Variants in KLRG2 observed in about 807,000 individuals in gnomAD.
The protein encoded by KLRG2 is killer cell lectin-like receptor subfamily G member 2.
A neutral mutation model predicts 35.4 loss-of-function variants in KLRG2; 39 were observed. That is an observed-to-expected ratio of 1.10 (90% CI 0.85 to 1.44). KLRG2 has a LOEUF of 1.44. Ranked by LOEUF, KLRG2 falls within the 40% of genes most tolerant of loss-of-function variation. The pLI is 0.00. For synonymous variants in KLRG2, 283 were observed against 265.8 expected (o/e 1.06, Z -0.63); for missense variants, 632 against 570.9 (o/e 1.11, Z -1.09).
Position 139,454,159 on chromosome 7 carries a change from C to A in KLRG2, c.1061G>T (p.Gly354Val), listed in dbSNP as rs191574772. ...SRHSWVGAWR[G>V]PQGWHWIDEA... ...GTCGATCCAGTGCCAGCCCTGGGGG[C>A]CTCGCCAGGCCCCCACCCAGGAGTG... The change falls in exon 4 of 5, where the codon GGC becomes GTC. Residue 354 changes from glycine (G) to valine (V), a missense_variant. Physicochemically the swap from Gly to Val is moderately radical, Grantham distance 109 (BLOSUM62 -3). Coordinates refer to ENST00000340940, the MANE Select transcript of KLRG2 (RefSeq NM_198508.4). The A allele has an allele frequency of 6.4e-4, 993 of 1,545,038 alleles. 8 individuals carry two copies. The African/African-American group carries it at 0.012, about 19-fold the overall frequency.
intron 1 of KLRG2, among the ~76,000 whole-genome samples, chr7:139,482,042 G>T (rs1218910800): frequency 6.6e-6 from 1 of 152,082 alleles, no homozygotes; most frequent in Non-Finnish European, 1.5e-5. Flanking sequence ...TCTTTTGTGG[G>T]CTCTTTCTTC....
chr7:139,434,831 C>G, the KLRG2 span, among the ~76,000 whole-genome samples: 2 of 152,168 alleles, frequency 1.3e-5, no homozygotes, highest in Admixed American at 1.3e-4. Flanking sequence ...GAATCTGCCA[C>G]TTAGAAGCTG....
chr7:139,475,316 G>C (rs185399967), intron 3 of KLRG2, among the ~76,000 whole-genome samples: 12 of 152,274 alleles, frequency 7.9e-5, no homozygotes, highest in Admixed American at 3.3e-4. Context: ...CGGATCACGA[G>C]GTCAGGAGAT....
At chr7:139,482,842 A>C (rs897168888) in intron 1 of KLRG2, 44 bp downstream of exon 1, 46 of 1,361,096 alleles carry the variant, frequency 3.4e-5, no homozygotes, top group Non-Finnish European at 4.2e-5. Flanking sequence ...GGCTACGTCC[A>C]CCCGACCTGG....
chr7:139,481,769 C>T (rs1182236619), intron 1 of KLRG2, among the ~76,000 whole-genome samples: 1 of 151,998 alleles, frequency 6.6e-6, no homozygotes, highest in Non-Finnish European at 1.5e-5. Flanking sequence ...ACCAAAAATA[C>T]AAAAACTAGC....
intron 3 of KLRG2, among the ~76,000 whole-genome samples, chr7:139,458,476 C>A (rs1796514653): frequency 6.6e-6 from 1 of 152,048 alleles, no homozygotes; most frequent in South Asian, 2.1e-4. Context: ...GAAGTATATC[C>A]ACATTGTTGT....
intron 3 of KLRG2, among the ~76,000 whole-genome samples, chr7:139,461,718 C>T (rs1412037130): frequency 1.3e-5 from 2 of 152,120 alleles, no homozygotes; most frequent in Non-Finnish European, 2.9e-5. Flanking sequence ...ATCCACTACC[C>T]ACCCAAATCT....
chr7:139,461,484 A>G (rs1211501173), intron 3 of KLRG2, among the ~76,000 whole-genome samples: 1 of 152,234 alleles, frequency 6.6e-6, no homozygotes. Flanking sequence ...TCTGAGCCCA[A>G]GCTAAGCCAT....
chr7:139,451,824 T>A (rs150032409), downstream of KLRG2, among the ~76,000 whole-genome samples: 6 of 152,234 alleles, frequency 3.9e-5, no homozygotes, highest in African/African-American at 1.4e-4. Flanking sequence ...GTGTCATTTC[T>A]CCAGGCACAG....
the KLRG2 span, among the ~76,000 whole-genome samples, chr7:139,434,983 T>C: frequency 6.6e-6 from 1 of 152,052 alleles, no homozygotes; most frequent in Non-Finnish European, 1.5e-5. Context: ...GACTTACAGA[T>C]GAGATTGCTG....
the KLRG2 span, among the ~76,000 whole-genome samples, chr7:139,446,584 G>A: frequency 6.6e-6 from 1 of 151,898 alleles, no homozygotes; most frequent in East Asian, 2.0e-4. Context: ...CAAGTGATCC[G>A]CCCTCCTCGG....
chr7:139,477,500 T>G, intron 3 of KLRG2, among the ~76,000 whole-genome samples: 1 of 152,088 alleles, frequency 6.6e-6, no homozygotes, highest in East Asian at 1.9e-4. Flanking sequence ...ACTGTGCGAT[T>G]CCACTTGTAT....
intron 3 of KLRG2, among the ~76,000 whole-genome samples, chr7:139,467,406 G>A (rs2108776): frequency 0.12 from 18,301 of 152,120 alleles, 1,378 homozygotes; most frequent in African/African-American, 0.21. Flanking sequence ...CCTATTCCTT[G>A]TGGGGAAAAG....
the KLRG2 span, among the ~76,000 whole-genome samples, chr7:139,447,232 G>T: frequency 6.6e-6 from 1 of 152,164 alleles, no homozygotes; most frequent in Non-Finnish European, 1.5e-5. Context: ...AAATGTCTGA[G>T]AAATTTGTTG....
the KLRG2 span, among the ~76,000 whole-genome samples, chr7:139,428,457 CTA>C: frequency 6.6e-6 from 1 of 152,086 alleles, no homozygotes; most frequent in Admixed American, 6.6e-5. Context: ...TGGGATCACA[CTA>C]TGTTTCCCAG....
At chr7:139,473,017 C>T (rs1160188754) in intron 3 of KLRG2, among the ~76,000 whole-genome samples, 10 of 152,178 alleles carry the variant, frequency 6.6e-5, no homozygotes, top group African/African-American at 2.4e-4. Context: ...TGCGGTGGCT[C>T]GCGCCTGTAA....
chr7:139,450,135 C>T (rs1419665011), downstream of KLRG2, among the ~76,000 whole-genome samples: 1 of 151,402 alleles, frequency 6.6e-6, no homozygotes, highest in Non-Finnish European at 1.5e-5. Flanking sequence ...CTCTGCCTCC[C>T]GGGTTCAAGC....
At chr7:139,461,528 A>G (rs1170883488) in intron 3 of KLRG2, among the ~76,000 whole-genome samples, 1 of 152,182 alleles carries the variant, frequency 6.6e-6, no homozygotes, top group African/African-American at 2.4e-5. Flanking sequence ...ATACATCCAG[A>G]TGGCCTGAAG....
chr7:139,435,836 CAT>C, the KLRG2 span, among the ~76,000 whole-genome samples: 2 of 152,032 alleles, frequency 1.3e-5, no homozygotes, highest in Non-Finnish European at 2.9e-5. Context: ...CACTTAAAGT[CAT>C]GTGTTTATTT....
Sources: allele counts gnomAD v4.1 joint callset (sites outside exome capture counted in the v4.1 genomes callset), GRCh38; gene constraint gnomAD v4.1.1; transcripts MANE v1.5; gene names NCBI Gene and HGNC (gene_info 2026-07-23, HGNC 2026-07-21).